The following CHSY1 variants were observed in gnomAD, a reference collection of about 807,000 sequenced individuals.
The protein encoded by CHSY1 is N-acetylgalactosaminyl-proteoglycan 3-beta-glucuronosyltransferase 1.
In CHSY1, 13 loss-of-function variants were observed where a neutral mutation model predicts 59.8. The observed-to-expected ratio is 0.22, with a 90% CI of 0.14 to 0.35. CHSY1 has a LOEUF of 0.35. Among genes scored for constraint, CHSY1 ranks in the 10% least tolerant of loss-of-function variants. CHSY1 has a pLI of 1.00. For missense variants in CHSY1, 947 were observed against 1,030.6 expected, an observed-to-expected ratio of 0.92 and a Z score of 1.11; for synonymous variants, 459 against 401.2, an observed-to-expected ratio of 1.14 and a Z score of -1.72.
chr15:101,243,511 G>A (rs976358547), intron 1 of CHSY1, among the ~76,000 whole-genome samples: 1 of 152,106 alleles, frequency 6.6e-6, no homozygotes, highest in African/African-American at 2.4e-5. Flanking sequence ...CCTAAACACA[G>A]TCACCAGCCA....
intron 1 of CHSY1, among the ~76,000 whole-genome samples, chr15:101,245,421 G>C (rs118116899): frequency 3.5e-3 from 529 of 152,302 alleles, no homozygotes; most frequent in Middle Eastern, 0.01. Context: ...CACCCACTGG[G>C]TGTAAGCCTC....
In CHSY1 at chr15:101,177,407, C is replaced by A. The variant is rs770505919; in HGVS notation, c.2390G>T (p.Gly797Val). 1.9e-6 allele frequency: 3 copies of A among 1,612,870 alleles called. No individual in the cohort carries two copies. The African/African-American group carries it at 4.0e-5, about 22-fold the overall frequency. Residue 797 changes from glycine to valine, a missense_variant, in exon 3 of 3, where the codon GGC (glycine) becomes GTC (valine). Transcript: ENST00000254190. Reference protein sequence around the residue: ...PSYSKSSNNNGSVRTA With the variant: ...PSYSKSSNNNVSVRTA ...TGGACATTAGGCTGTCCTCACTGAG[C>A]CATTATTATTGCTGCTTTTACTGTA...
chr15:101,184,190 T>G (rs2038321512), intron 2 of CHSY1, among the ~76,000 whole-genome samples: 2 of 152,184 alleles, frequency 1.3e-5, no homozygotes, highest in African/African-American at 4.8e-5. Context: ...CAAAGTGTTT[T>G]AGAAGCTGCC....
In CHSY1 at chr15:101,208,819, A is replaced by G. The variant is rs2038654790; in HGVS notation, c.816+26263T>C. ...TGTATAATAATGGTAAGAGATTATA[A>G]CTCATTAAATAAAATAGGAATACAA... On this transcript the variant is annotated intron_variant, in intron 2 of 2. Coordinates refer to ENST00000254190, the MANE Select transcript of CHSY1 (RefSeq NM_014918.5). 2.0e-5 allele frequency among the ~76,000 whole-genome samples: 3 copies of G among 152,214 alleles called. 1 individual carries two copies. In the South Asian group the frequency reaches 6.2e-4, roughly 31 times the overall value.
In CHSY1 at chr15:101,177,690, G is replaced by A; in HGVS notation, c.2107C>T (p.Leu703Phe). 2 of 1,614,158 alleles carry A rather than the reference G, an allele frequency of 1.2e-6. No individual in the cohort carries two copies. The highest frequency in any genetic ancestry group is 2.2e-5 in the South Asian group (2 of 91,080). ...FGITCIYKGD[L>F]VRVGGFDVSI... ...ACATCAAAGCCACCCACTCGGACAAGATCTCCCTTATAAATACACGTGATG... is the reference window on the plus strand; with the variant it reads ...ACATCAAAGCCACCCACTCGGACAAAATCTCCCTTATAAATACACGTGATG... The change falls in exon 3 of 3, where the codon CTT (leucine) becomes TTT (phenylalanine). Residue 703 changes from leucine (L) to phenylalanine (F), a missense_variant. Around this residue, in one of 4 missense-constraint regions of CHSY1, gnomAD observed 602 missense variants for 676.9 expected, o/e 0.89. Transcript: ENST00000254190.
rs546040051 is a variant in CHSY1 at position 101,177,976 on chromosome 15, C to T, written c.1821G>A (p.Glu607=). 1.9e-6 allele frequency: 3 copies of T among 1,614,220 alleles called. No individual in the cohort carries two copies. The highest frequency in any genetic ancestry group is 1.7e-6 in the Non-Finnish European group (2 of 1,180,046). Residue 607 remains glutamate, a synonymous_variant, in exon 3 of 3, where the codon GAG becomes GAA. Coordinates refer to ENST00000254190, the MANE Select transcript of CHSY1 (RefSeq NM_014918.5). The part of the protein sequence containing the change: ...ADMQILPVSG[E]FSRALALEVG... Reference sequence around the variant, plus strand: ...CTTCCAGGGCCAGGGCTCTTGAAAACTCTCCAGACACAGGCAAAATCTGCA... The same window carrying T: ...CTTCCAGGGCCAGGGCTCTTGAAAATTCTCCAGACACAGGCAAAATCTGCA...
At chr15:101,236,857 C>T (rs915229007) in intron 1 of CHSY1, among the ~76,000 whole-genome samples, 1 of 150,012 alleles carries the variant, frequency 6.7e-6, no homozygotes, top group African/African-American at 2.4e-5. Flanking sequence ...ATTTTAAAAA[C>T]CCCTCTGTTT....
chr15:101,243,340 T>C (rs1216150628), intron 1 of CHSY1, among the ~76,000 whole-genome samples: 1 of 152,232 alleles, frequency 6.6e-6, no homozygotes, highest in Non-Finnish European at 1.5e-5. Context: ...CGCTGCTGTA[T>C]CCTTAAAAGT....
intron 2 of CHSY1, 150 bp downstream of exon 2, chr15:101,234,932 T>C (rs1015997299): frequency 2.2e-6 from 2 of 889,970 alleles, no homozygotes; most frequent in African/African-American, 8.4e-5. Flanking sequence ...GGAACTGAAT[T>C]TTTTTTTTAA....
intron 2 of CHSY1, among the ~76,000 whole-genome samples, chr15:101,181,972 G>A (rs991807367): frequency 6.6e-6 from 1 of 152,144 alleles, no homozygotes; most frequent in African/African-American, 2.4e-5. Context: ...CTAGAGAAAA[G>A]AAAATGTTAT....
chr15:101,247,476 A>AC (rs1348766346), intron 1 of CHSY1, among the ~76,000 whole-genome samples: 5 of 152,166 alleles, frequency 3.3e-5, no homozygotes, highest in Non-Finnish European at 5.9e-5. Flanking sequence ...CCCTCTGACT[A>AC]AAGAACATGA....
Position 101,184,853 on chromosome 15 carries a change from C to T in CHSY1, c.817-5873G>A, listed in dbSNP as rs561721309. ...AATTTATTATTTATTAATGTTGCTA[C>T]GGTATATAAACAATTCAGACAGAGA... On this transcript the variant is annotated intron_variant, in intron 2 of 2. Transcript: ENST00000254190. Among the ~76,000 whole-genome samples, 30 of 152,206 alleles carry T rather than the reference C, an allele frequency of 2.0e-4. No homozygotes were observed. In the South Asian group the frequency reaches 4.8e-3, roughly 24 times the overall value.
chr15:101,177,056 A>G lies in CHSY1; in HGVS notation c.*332T>C, dbSNP rs2038199791. 4.7e-6 allele frequency: 1 copy of G among 212,750 alleles called. No individual in the cohort carries two copies. Among genetic ancestry groups the G allele is most frequent in the African/African-American group, 2.3e-5 (1 of 43,194 alleles). 13.2% of individuals were successfully genotyped at this position (212,750 alleles called of 1,614,324 possible). ...TACCAGAGTTACAGTGTTTTGTTACAATAATACTTTGCAGGAATGTTCACG... is the reference window on the plus strand; with the variant it reads ...TACCAGAGTTACAGTGTTTTGTTACGATAATACTTTGCAGGAATGTTCACG... On this transcript the variant is annotated 3_prime_UTR_variant, in exon 3 of 3. Transcript: ENST00000254190.
chr15:101,237,049 C>T (rs2038951182), intron 1 of CHSY1, among the ~76,000 whole-genome samples: 1 of 131,454 alleles, frequency 7.6e-6, no homozygotes, highest in Non-Finnish European at 1.5e-5. Flanking sequence ...GAAACCCCAT[C>T]TCTACTAAAA....
chr15:101,214,117 T>C (rs773281748), intron 2 of CHSY1, among the ~76,000 whole-genome samples: 9 of 152,236 alleles, frequency 5.9e-5, no homozygotes, highest in South Asian at 2.1e-4. Flanking sequence ...AGAGTCCCCA[T>C]TGCACAAACT....
intron 2 of CHSY1, among the ~76,000 whole-genome samples, chr15:101,180,532 G>GA (rs1373469401): frequency 6.6e-6 from 1 of 152,024 alleles, no homozygotes; most frequent in African/African-American, 2.4e-5. Context: ...CTCCGACTCT[G>GA]ACCCCCATGC....
At position 101,178,604 on chromosome 15, in the gene CHSY1, T is replaced by C. The variant is rs775725501; in HGVS notation, c.1193A>G (p.Asp398Gly). 8 of 1,614,028 alleles carry C rather than the reference T, an allele frequency of 5.0e-6. No homozygotes were observed. The highest frequency in any genetic ancestry group is 4.0e-5 in the African/African-American group (3 of 74,892). ...VDGQPPRRGM[D>G]SAQREALDDI... ...GTCCAAGGCTTCCCTCTGGGCGGAG[T>C]CCATTCCTCTTCGAGGGGGCTGGCC... Residue 398 changes from aspartate (D) to glycine (G), a missense_variant, in exon 3 of 3, where the codon GAC becomes GGC. Asp to Gly is a moderately conservative substitution (Grantham distance 94, BLOSUM62 -1). Coordinates refer to ENST00000254190, the MANE Select transcript of CHSY1 (RefSeq NM_014918.5).
intron 2 of CHSY1, among the ~76,000 whole-genome samples, chr15:101,222,208 T>TA (rs1330887736): frequency 3.9e-5 from 6 of 152,314 alleles, no homozygotes; most frequent in African/African-American, 1.2e-4. Flanking sequence ...AATATCCACT[T>TA]AGAGTCACAG....
At chr15:101,190,868 A>G (rs929747135) in intron 2 of CHSY1, among the ~76,000 whole-genome samples, 1 of 152,204 alleles carries the variant, frequency 6.6e-6, no homozygotes, top group African/African-American at 2.4e-5. Flanking sequence ...ATGCAAATTC[A>G]AACAACGAGA....
Sources: allele counts gnomAD v4.1 joint callset (sites outside exome capture counted in the v4.1 genomes callset), GRCh38; gene constraint gnomAD v4.1.1; regional missense constraint gnomAD v4.1.1; transcripts MANE v1.5; gene names NCBI Gene and HGNC (gene_info 2026-07-23, HGNC 2026-07-21).